Variants in CTBP2 observed in about 807,000 individuals in gnomAD.
CTBP2 encodes the protein C-terminal-binding protein 2.
A neutral mutation model predicts 80.3 loss-of-function variants in CTBP2; 30 were observed. The ratio of observed to expected loss-of-function variants is 0.37; its 90% CI spans 0.28 to 0.51. The LOEUF is 0.51. Among genes scored for constraint, CTBP2 ranks in the 20% least tolerant of loss-of-function variants. The pLI is 0.93. For synonymous variants in CTBP2, 594 were observed against 587.4 expected, an observed-to-expected ratio of 1.01 and a Z score of -0.16; for missense variants, 1,212 against 1,375.3, an observed-to-expected ratio of 0.88 and a Z score of 1.88.
intron 2 of CTBP2, among the ~76,000 whole-genome samples, chr10:125,046,396 G>A (rs1030284698): frequency 3.3e-5 from 5 of 152,014 alleles, no homozygotes; most frequent in Non-Finnish European, 7.4e-5. Context: ...AAATTAGCCA[G>A]GCATGGTGGT....
At chr10:125,090,397 A>C (rs1848598220) in intron 2 of CTBP2, among the ~76,000 whole-genome samples, 1 of 151,786 alleles carries the variant, frequency 6.6e-6, no homozygotes, top group African/African-American at 2.4e-5. Flanking sequence ...TTACAGACTT[A>C]AGATATTTTA....
chr10:125,150,791 C>T (rs923806369), intron 1 of CTBP2, among the ~76,000 whole-genome samples: 2 of 150,236 alleles, frequency 1.3e-5, no homozygotes, highest in African/African-American at 4.9e-5. Flanking sequence ...ACTTCCTGCT[C>T]TAGGATGTTT....
At chr10:125,140,464 G>A (rs1448742605) in intron 1 of CTBP2, among the ~76,000 whole-genome samples, 1 of 152,178 alleles carries the variant, frequency 6.6e-6, no homozygotes, top group Non-Finnish European at 1.5e-5. Flanking sequence ...AGCAAATGCA[G>A]TGATCCCCAC....
intron 2 of CTBP2, among the ~76,000 whole-genome samples, chr10:125,090,148 G>A (rs1312357950): frequency 1.3e-5 from 2 of 152,014 alleles, no homozygotes; most frequent in African/African-American, 4.8e-5. Flanking sequence ...CAGAATTGCT[G>A]AAAGGCACTT....
chr10:125,017,875 G>A (rs1422348149), intron 1 of CTBP2, among the ~76,000 whole-genome samples: 1 of 152,160 alleles, frequency 6.6e-6, no homozygotes, highest in Non-Finnish European at 1.5e-5. Context: ...TGGGGGGCAG[G>A]TAGGGTGGGC....
At chr10:125,041,826 T>C (rs1959910273) in intron 2 of CTBP2, among the ~76,000 whole-genome samples, 1 of 152,082 alleles carries the variant, frequency 6.6e-6, no homozygotes, top group African/African-American at 2.4e-5. Context: ...TTTTAATTTG[T>C]ATAATTAGAT....
intron 1 of CTBP2, among the ~76,000 whole-genome samples, chr10:125,010,277 CGTT>C (rs902198416): frequency 2.0e-5 from 3 of 146,440 alleles, no homozygotes; most frequent in Admixed American, 6.8e-5. Flanking sequence ...TTTGTTTCTA[CGTT>C]GTTATCTGCT....
chr10:125,143,494 C>A (rs1316945117), intron 1 of CTBP2, among the ~76,000 whole-genome samples: 1 of 152,142 alleles, frequency 6.6e-6, no homozygotes, highest in Non-Finnish European at 1.5e-5. Context: ...AGAAAAAATT[C>A]ACCTCAATGG....
chr10:125,074,925 C>T (rs1187314026), intron 2 of CTBP2, among the ~76,000 whole-genome samples: 1 of 152,200 alleles, frequency 6.6e-6, no homozygotes, highest in African/African-American at 2.4e-5. Flanking sequence ...ATGAGTCCTA[C>T]CTTGACTACG....
intron 2 of CTBP2, among the ~76,000 whole-genome samples, chr10:125,102,255 C>T (rs1181907591): frequency 6.6e-6 from 1 of 152,222 alleles, no homozygotes; most frequent in East Asian, 1.9e-4. Flanking sequence ...CATGAGGACT[C>T]TGCCCTCCTG....
chr10:125,146,344 G>A (rs1305686214), intron 1 of CTBP2, among the ~76,000 whole-genome samples: 4 of 151,262 alleles, frequency 2.6e-5, no homozygotes, highest in Admixed American at 6.6e-5. Context: ...GCAATGGCAC[G>A]ATCTTGGCTT....
At chr10:125,120,809 G>T (rs1036734931) in intron 1 of CTBP2, among the ~76,000 whole-genome samples, 17 of 152,166 alleles carry the variant, frequency 1.1e-4, no homozygotes, top group African/African-American at 4.1e-4. Context: ...TCCTGTACAG[G>T]CACGGGCCCC....
intron 2 of CTBP2, among the ~76,000 whole-genome samples, chr10:125,098,768 G>C (rs75026148): frequency 0.028 from 3,848 of 135,406 alleles, 158 homozygotes; most frequent in African/African-American, 0.037. Flanking sequence ...GAGAGAGAGA[G>C]AGAGAGAGAG....
At chr10:125,097,797 G>A (rs1311673900) in intron 2 of CTBP2, among the ~76,000 whole-genome samples, 1 of 152,076 alleles carries the variant, frequency 6.6e-6, no homozygotes, top group African/African-American at 2.4e-5. Flanking sequence ...CCAAAGGGTT[G>A]AGGTACAAGC....
chr10:125,098,702 GAGAGAC>G (rs1564914097), intron 2 of CTBP2, among the ~76,000 whole-genome samples: 28 of 129,254 alleles, frequency 2.2e-4, no homozygotes, highest in Non-Finnish European at 3.0e-4. Flanking sequence ...GAGAGAGAGA[GAGAGAC>G]AGAGAGAGAG....
rs535564014 is a variant in CTBP2, at chr10:124,985,158, C to G, written c.*4360G>C. On this transcript the variant is annotated 3_prime_UTR_variant, in exon 9 of 9. Coordinates refer to ENST00000309035, the MANE Select transcript of CTBP2 (RefSeq NM_022802.3). ...CACACACCTTATGGAGATAATGCCT[C>G]TGCTGCGTGAGGAGACAGAGAACTT... is the stretch of plus-strand genomic sequence containing the variant. The G allele has an allele frequency of 7.0e-5, 39 of 559,740 alleles. 1 individual carries two copies. The South Asian group carries it at 1.0e-3, about 15-fold the overall frequency. 34.7% of individuals were successfully genotyped at this position (559,740 alleles called of 1,614,324 possible).
chr10:125,098,708 C>CAGAGAGAGAGAG (rs1850045599), intron 2 of CTBP2, among the ~76,000 whole-genome samples: 5 of 65,738 alleles, frequency 7.6e-5, no homozygotes, highest in East Asian at 9.4e-4. Context: ...GAGAGAGAGA[C>CAGAGAGAGAGAG]AGAGAGAGAG....
rs372963094 is a variant in CTBP2, at chr10:125,135,973, A to G, written c.-206+24346T>C. Reference sequence around the variant, plus strand: ...ATCCCTTCCGGCCCACGAGCAGAACAGGACAAGTGGCCTCAGCTGAGGAGT... The same window carrying G: ...ATCCCTTCCGGCCCACGAGCAGAACGGGACAAGTGGCCTCAGCTGAGGAGT... On this transcript the variant is annotated intron_variant, in intron 1 of 10. Transcript: ENST00000337195. Among the ~76,000 whole-genome samples the G allele has an allele frequency of 2.2e-4, 34 of 152,362 alleles. No homozygotes were observed. The East Asian group carries it at 3.7e-3, about 16-fold the overall frequency.
At chr10:125,057,007 C>T (rs1317296216) in intron 2 of CTBP2, among the ~76,000 whole-genome samples, 3 of 152,236 alleles carry the variant, frequency 2.0e-5, no homozygotes, top group African/African-American at 7.2e-5. Context: ...CCGGGGTACA[C>T]AGGGCAGCCC....
Sources: allele counts gnomAD v4.1 joint callset (sites outside exome capture counted in the v4.1 genomes callset), GRCh38; gene constraint gnomAD v4.1.1; transcripts MANE v1.5; gene names NCBI Gene and HGNC (gene_info 2026-07-23, HGNC 2026-07-21).